AGTR1: variants seen among roughly 807,000 people sequenced by gnomAD.
AGTR1 encodes angiotensin II receptor type 1.
AGTR1 carries 16 observed loss-of-function variants against 19.4 expected under a neutral mutation model. That is an observed-to-expected ratio of 0.82 (90% CI 0.56 to 1.25). The LOEUF is 1.25. AGTR1 is among the 50% of genes most tolerant of loss of function. The pLI is 0.00. For missense variants in AGTR1, 373 were observed against 431.9 expected, an observed-to-expected ratio of 0.86 and a Z score of 1.21; for synonymous variants, 153 against 154.9, an observed-to-expected ratio of 0.99 and a Z score of 0.09.
chr3:148,698,919 T>C (rs1190187566), intron 1 of AGTR1, among the ~76,000 whole-genome samples: 1 of 151,956 alleles, frequency 6.6e-6, no homozygotes, highest in Non-Finnish European at 1.5e-5. Context: ...AACATCTCCA[T>C]AGTGCCAGCC....
At chr3:148,701,416 T>C (rs765593064) in intron 1 of AGTR1, among the ~76,000 whole-genome samples, 5 of 152,224 alleles carry the variant, frequency 3.3e-5, no homozygotes, top group Non-Finnish European at 7.3e-5. Context: ...TTCTTGCATA[T>C]GAAAATCAAA....
chr3:148,734,981 G>A (rs1714491517), intron 2 of AGTR1, among the ~76,000 whole-genome samples: 1 of 152,184 alleles, frequency 6.6e-6, no homozygotes, highest in South Asian at 2.1e-4. Flanking sequence ...TGCCCTTCCT[G>A]CCTTAAATAC....
At chr3:148,714,819 G>T in intron 2 of AGTR1, among the ~76,000 whole-genome samples, 1 of 152,078 alleles carries the variant, frequency 6.6e-6, no homozygotes, top group East Asian at 1.9e-4. Context: ...CTTCAAATAT[G>T]CATTGCCTAT....
chr3:148,716,438 T>C lies in AGTR1; in HGVS notation c.-48+8411T>C, dbSNP rs1713306540. Among the ~76,000 whole-genome samples the C allele has an allele frequency of 6.6e-6, 1 of 150,404 alleles. No homozygotes were observed. The highest frequency in any genetic ancestry group is 1.5e-5 in the Non-Finnish European group (1 of 68,010). On this transcript the variant is annotated intron_variant, in intron 2 of 2. Transcript: ENST00000349243. This position sits in a 1 kb window ranked among gnomAD's most constrained non-coding sequence, Gnocchi z 4.7. ...AGGCTGGTTAATAGTACAAATACAG[T>C]TATTTATTTATAACTAGTGCAAATA...
At chr3:148,711,878 A>G (rs1713004412) in intron 2 of AGTR1, among the ~76,000 whole-genome samples, 2 of 151,982 alleles carry the variant, frequency 1.3e-5, no homozygotes, top group Non-Finnish European at 2.9e-5. Context: ...CCTCCCAAGT[A>G]TCTAGGACTA....
At chr3:148,699,710 G>C (rs1300037665) in intron 1 of AGTR1, among the ~76,000 whole-genome samples, 2 of 152,120 alleles carry the variant, frequency 1.3e-5, no homozygotes, top group African/African-American at 4.8e-5. Flanking sequence ...TTAAGGCTAG[G>C]TTATAGAAAC....
intron 1 of AGTR1, among the ~76,000 whole-genome samples, chr3:148,705,225 T>C (rs1224494372): frequency 6.6e-6 from 1 of 152,206 alleles, no homozygotes; most frequent in Non-Finnish European, 1.5e-5. Context: ...TTTTTTTCTT[T>C]TTAACAGTTG....
At position 148,699,294 on chromosome 3, in the gene AGTR1, T is replaced by A. The variant is rs1024028785; in HGVS notation, c.-132+1167T>A. Among the ~76,000 whole-genome samples the A allele has an allele frequency of 2.0e-5, 3 of 152,210 alleles. No individual in the cohort carries two copies. In the South Asian group the frequency reaches 6.2e-4, roughly 31 times the overall value. ...CATCCCAACATGATTCTCTTATTAT[T>A]AGTTACCACCTGAGGGTTTTGGATC... On this transcript the variant is annotated intron_variant, in intron 1 of 2. Transcript: ENST00000349243.
At position 148,714,369 on chromosome 3, in the gene AGTR1, A is replaced by T. The variant is rs532791984; in HGVS notation, c.-48+6342A>T. Among the ~76,000 whole-genome samples, 8 of 152,278 alleles carry T rather than the reference A, an allele frequency of 5.3e-5. No homozygotes were observed. In the South Asian group the frequency reaches 1.7e-3, roughly 32 times the overall value. On this transcript the variant is annotated intron_variant, in intron 2 of 2. Coordinates refer to ENST00000349243, the MANE Select transcript of AGTR1 (RefSeq NM_000685.5). ...AGGGAAGGTCTTCTTAGGAAGAAGG[A>T]GGAAGCTATGTGGACATCTGGGAGA...
intron 2 of AGTR1, among the ~76,000 whole-genome samples, chr3:148,723,824 G>C (rs1184895328): frequency 6.6e-6 from 1 of 152,076 alleles, no homozygotes; most frequent in Non-Finnish European, 1.5e-5. Context: ...GCCATGAATC[G>C]CTGCATGTGG....
At chr3:148,740,389 C>T (rs1479505189) in intron 2 of AGTR1, among the ~76,000 whole-genome samples, 1 of 152,194 alleles carries the variant, frequency 6.6e-6, no homozygotes, top group African/African-American at 2.4e-5. Flanking sequence ...AAATCCTATT[C>T]CTCAAAGTCG....
chr3:148,717,662 A>C (rs1713378782), intron 2 of AGTR1, among the ~76,000 whole-genome samples: 1 of 152,202 alleles, frequency 6.6e-6, no homozygotes, highest in African/African-American at 2.4e-5. Context: ...GGATAGAATA[A>C]AGCAGATATT....
intron 2 of AGTR1, among the ~76,000 whole-genome samples, chr3:148,721,148 C>T (rs1713612206): frequency 6.6e-6 from 1 of 152,116 alleles, no homozygotes; most frequent in Non-Finnish European, 1.5e-5. Context: ...GTAGTTATCC[C>T]TGTGTGGTCA....
Position 148,741,391 on chromosome 3 carries a change from T to C in AGTR1, c.356T>C (p.Leu119Pro). The change falls in exon 3 of 3, where the codon CTC becomes CCC. Residue 119 changes from leucine (L) to proline (P), a missense_variant. Coordinates refer to ENST00000349243, the MANE Select transcript of AGTR1 (RefSeq NM_000685.5). The stretch of plus-strand genomic sequence containing the variant: ...AACCTGTACGCTAGTGTGTTTCTAC[T>C]CACGTGTCTCAGCATTGATCGATAC... ...SFNLYASVFL[L>P]TCLSIDRYLA... is the part of the protein sequence containing the mutation. The C allele has an allele frequency of 6.2e-7, 1 of 1,603,168 alleles. No homozygotes were observed. Among genetic ancestry groups the C allele is most frequent in the Non-Finnish European group, 8.5e-7 (1 of 1,178,068 alleles).
intron 2 of AGTR1, among the ~76,000 whole-genome samples, chr3:148,736,215 G>A (rs1050266452): frequency 9.2e-5 from 14 of 152,150 alleles, no homozygotes; most frequent in Non-Finnish European, 2.1e-4. Context: ...GCTGTCAAAG[G>A]ATATAAGGTA....
intron 2 of AGTR1, among the ~76,000 whole-genome samples, chr3:148,713,920 C>A (rs1249694095): frequency 6.6e-6 from 1 of 152,066 alleles, no homozygotes; most frequent in Non-Finnish European, 1.5e-5. Flanking sequence ...ATTTAACTGC[C>A]CAAATCCCAA....
intron 2 of AGTR1, among the ~76,000 whole-genome samples, chr3:148,738,325 T>A (rs1208300488): frequency 6.6e-6 from 1 of 152,072 alleles, no homozygotes; most frequent in Non-Finnish European, 1.5e-5. Context: ...ACTCAGGCCC[T>A]TTTCAACCTT....
chr3:148,741,632 A>G lies in AGTR1; in HGVS notation c.597A>G (p.Lys199=). ...STLPIGLGLT[K]NILGFLFPFL... is the part of the protein sequence containing the mutation. ...TCCCGATAGGGCTGGGCCTGACCAA[A>G]AATATACTGGGTTTCCTGTTTCCTT... is the stretch of plus-strand genomic sequence containing the variant. The change falls in exon 3 of 3, where the codon AAA becomes AAG. Residue 199 remains lysine (K), a synonymous_variant. Transcript: ENST00000349243. 2 of 1,614,148 alleles carry G rather than the reference A, an allele frequency of 1.2e-6. No homozygotes were observed. Among genetic ancestry groups the G allele is most frequent in the Non-Finnish European group, 1.7e-6 (2 of 1,180,028 alleles).
chr3:148,729,407 A>G (rs1473279719), intron 2 of AGTR1, among the ~76,000 whole-genome samples: 1 of 152,248 alleles, frequency 6.6e-6, no homozygotes, highest in Non-Finnish European at 1.5e-5. Context: ...AGGAGGAACA[A>G]ACAACCAGAA....
Sources: gnomAD v4.1 joint callset for allele counts (sites outside exome capture counted in the v4.1 genomes callset) on GRCh38, gnomAD v4.1.1 for gene constraint, Gnocchi (gnomAD v3.1) non-coding constraint, MANE v1.5 for transcripts, NCBI Gene and HGNC (gene_info 2026-07-23, HGNC 2026-07-21) for gene names.